The following DGKI variants were observed in gnomAD, a reference collection of about 807,000 sequenced individuals.
The protein encoded by DGKI is diacylglycerol kinase iota, also known as DAG kinase iota.
Under a neutral mutation model 147.5 loss-of-function variants are expected in DGKI, and 55 were observed. The observed-to-expected ratio is 0.37, with a 90% CI of 0.30 to 0.47. The LOEUF (loss-of-function observed/expected upper bound fraction) is 0.47. Ranked by LOEUF, DGKI falls within the 20% of genes least tolerant of loss-of-function variation. DGKI has a pLI of 1.00. For missense variants in DGKI, 1,007 were observed against 1,323.8 expected (o/e 0.76, Z 3.71); for synonymous variants, 469 against 477.1 (o/e 0.98, Z 0.22).
At position 137,675,728 on chromosome 7, in the gene DGKI, C is replaced by T. The variant is rs184772412; in HGVS notation, c.606+2829G>A. Among the ~76,000 whole-genome samples the T allele has an allele frequency of 3.4e-5, 5 of 148,568 alleles. No individual in the cohort carries two copies. The East Asian group carries it at 9.9e-4, about 29-fold the overall frequency. On this transcript the variant is annotated intron_variant, in intron 3 of 32. Transcript: ENST00000614521. ...AAAAATCGGAGACTCTCAAGTCCAA[C>T]TCCAAGCATACTGAATCAGCATTTG...
chr7:137,729,458 C>T (rs1402287732), intron 1 of DGKI, among the ~76,000 whole-genome samples: 2 of 152,120 alleles, frequency 1.3e-5, no homozygotes, highest in East Asian at 3.9e-4. Flanking sequence ...AGCAAAGAGA[C>T]TCCAAGGATA....
chr7:137,607,680 A>T (rs1182500977), intron 10 of DGKI, among the ~76,000 whole-genome samples: 2 of 152,212 alleles, frequency 1.3e-5, no homozygotes, highest in East Asian at 3.9e-4. Context: ...AGGGTTCCCA[A>T]CTGCATCTCT....
At chr7:137,406,931 A>AAAAAAT (rs1811972007) in intron 30 of DGKI, among the ~76,000 whole-genome samples, 1 of 3,018 alleles carries the variant, frequency 3.3e-4, no homozygotes, top group African/African-American at 1.1e-3. Context: ...GCTGAATTGC[A>AAAAAAT]AAAAAAAAAA....
Position 137,710,433 on chromosome 7 carries a change from T to C in DGKI, c.402-20431A>G, listed in dbSNP as rs938488745. ...GGTATTAAGACAGAAATAAACAAAC[T>C]GACCAATGAAACAAAGACAGTCAGA... On this transcript the variant is annotated intron_variant, in intron 1 of 32. Coordinates refer to ENST00000614521, the MANE Select transcript of DGKI (RefSeq NM_001321708.2). Among the ~76,000 whole-genome samples, 3 of 151,974 alleles carry C rather than the reference T, an allele frequency of 2.0e-5. No individual in the cohort carries two copies. The East Asian group carries it at 5.8e-4, about 29-fold the overall frequency.
chr7:137,794,368 T>C (rs1214753103), intron 1 of DGKI, among the ~76,000 whole-genome samples: 1 of 152,206 alleles, frequency 6.6e-6, no homozygotes, highest in Non-Finnish European at 1.5e-5. Flanking sequence ...CAAAGATTAA[T>C]ATTCTCCAAG....
In DGKI at chr7:137,581,206, T is replaced by C. The variant is rs981510407; in HGVS notation, c.1642+644A>G. Among the ~76,000 whole-genome samples the C allele has an allele frequency of 7.9e-5, 12 of 152,104 alleles. 1 individual carries two copies. The highest frequency in any genetic ancestry group is 6.6e-4 in the Admixed American group (10 of 15,252). ...TTCTCTTTCAAAAATTCTGTTCCCCTAATCTTGACTCCATCTCTTTTAGTA... is the reference window on the plus strand; with the variant it reads ...TTCTCTTTCAAAAATTCTGTTCCCCCAATCTTGACTCCATCTCTTTTAGTA... On this transcript the variant is annotated intron_variant, in intron 15 of 32. Transcript: ENST00000614521.
At chr7:137,555,107 G>C (rs1206423824) in intron 19 of DGKI, among the ~76,000 whole-genome samples, 1 of 151,496 alleles carries the variant, frequency 6.6e-6, no homozygotes, top group African/African-American at 2.4e-5. Context: ...AGTAGGGACA[G>C]GTTTCACCGT....
chr7:137,674,760 C>G (rs1332042466), intron 3 of DGKI, among the ~76,000 whole-genome samples: 2 of 152,186 alleles, frequency 1.3e-5, no homozygotes, highest in Non-Finnish European at 2.9e-5. Flanking sequence ...TCTTCAAAAT[C>G]ACTTATGTAA....
chr7:137,469,463 G>A, intron 24 of DGKI, 87 bp downstream of exon 24: 1 of 1,371,014 alleles, frequency 7.3e-7, no homozygotes, highest in Admixed American at 1.7e-5. Flanking sequence ...ATAATCTTTT[G>A]GAAAACTAGA....
At chr7:137,422,128 G>A (rs577181439) in intron 28 of DGKI, among the ~76,000 whole-genome samples, 1 of 152,354 alleles carries the variant, frequency 6.6e-6, no homozygotes, top group Admixed American at 6.5e-5. Context: ...AACATTGATA[G>A]TAACGCTTAG....
chr7:137,662,465 G>A (rs967427239), intron 3 of DGKI, among the ~76,000 whole-genome samples: 6 of 151,984 alleles, frequency 3.9e-5, no homozygotes, highest in East Asian at 1.9e-4. Flanking sequence ...GGATGGTCTC[G>A]ATCTCCTGAT....
At chr7:137,802,629 T>C (rs779797093) in intron 1 of DGKI, among the ~76,000 whole-genome samples, 31 of 152,324 alleles carry the variant, frequency 2.0e-4, no homozygotes, top group South Asian at 4.1e-4. Flanking sequence ...TAAAGGGATA[T>C]TCTCCATCAT....
chr7:137,541,244 C>T (rs573331261), intron 20 of DGKI, among the ~76,000 whole-genome samples: 25 of 152,216 alleles, frequency 1.6e-4, no homozygotes, highest in African/African-American at 5.5e-4. Flanking sequence ...TCTGTGTGTG[C>T]GTATACGTGT....
intron 24 of DGKI, among the ~76,000 whole-genome samples, chr7:137,467,478 G>A (rs1335147715): frequency 6.6e-6 from 1 of 152,176 alleles, no homozygotes; most frequent in Non-Finnish European, 1.5e-5. Context: ...TCTCAGTGAA[G>A]TGACTTCCCA....
rs191315291 is a variant in DGKI at position 137,605,501 on chromosome 7, T to C, written c.1167+3465A>G. ...CAGTGTCATCGCTACCTTAAGAGTGTTGGAAAAACAAAGAGACAATTACTG... is the reference window on the plus strand; with the variant it reads ...CAGTGTCATCGCTACCTTAAGAGTGCTGGAAAAACAAAGAGACAATTACTG... On this transcript the variant is annotated intron_variant, in intron 10 of 32. Coordinates refer to ENST00000614521, the MANE Select transcript of DGKI (RefSeq NM_001321708.2). Among the ~76,000 whole-genome samples, 182 of 152,026 alleles carry C rather than the reference T, an allele frequency of 1.2e-3. 1 individual carries two copies. The highest frequency in any genetic ancestry group is 4.1e-3 in the African/African-American group (171 of 41,478).
At chr7:137,748,766 G>A (rs1039310931) in intron 1 of DGKI, among the ~76,000 whole-genome samples, 5 of 152,120 alleles carry the variant, frequency 3.3e-5, no homozygotes, top group African/African-American at 1.2e-4. Flanking sequence ...CACAGATCAT[G>A]ATGCAGCTCT....
intron 19 of DGKI, among the ~76,000 whole-genome samples, chr7:137,558,007 G>A (rs1029891922): frequency 3.3e-5 from 5 of 152,148 alleles, no homozygotes; most frequent in African/African-American, 1.2e-4. Flanking sequence ...CCTCTTTTCA[G>A]TTCTTCTAGC....
At chr7:137,691,567 G>T (rs992813898) in intron 1 of DGKI, among the ~76,000 whole-genome samples, 1 of 152,144 alleles carries the variant, frequency 6.6e-6, no homozygotes, top group Non-Finnish European at 1.5e-5. Context: ...GAAGGAATAG[G>T]AACAGAATTT....
At chr7:137,738,279 C>T (rs1210940972) in intron 1 of DGKI, among the ~76,000 whole-genome samples, 1 of 152,062 alleles carries the variant, frequency 6.6e-6, no homozygotes, top group Non-Finnish European at 1.5e-5. Context: ...CCCTTAGCTG[C>T]TGTGCTATAC....
Sources: allele counts gnomAD v4.1 joint callset (sites outside exome capture counted in the v4.1 genomes callset), GRCh38; gene constraint gnomAD v4.1.1; transcripts MANE v1.5; gene names NCBI Gene and HGNC (gene_info 2026-07-23, HGNC 2026-07-21).